The following TMEM222 variants were observed in gnomAD, a reference collection of about 807,000 sequenced individuals.
The protein encoded by TMEM222 is chromosome 1 open reading frame 160.
Under a neutral mutation model 25.1 loss-of-function variants are expected in TMEM222, and 18 were observed. The observed-to-expected ratio is 0.72, with a 90% confidence interval of 0.50 to 1.06. The LOEUF (loss-of-function observed/expected upper bound fraction) is 1.06, where lower values mean the gene tolerates loss of function less well. TMEM222 is among the 50% of genes least tolerant of loss of function. TMEM222 has a pLI of 0.00. For missense variants in TMEM222, 296 were observed against 293.7 expected (o/e 1.01, Z -0.06); for synonymous variants, 131 against 117.9 (o/e 1.11, Z -0.72).
intron 1 of TMEM222, among the ~76,000 whole-genome samples, chr1:27,323,084 C>T (rs2014246942): frequency 6.6e-6 from 1 of 152,188 alleles, no homozygotes; most frequent in South Asian, 2.1e-4. Context: ...AACGTAACCC[C>T]TCCTCACCGT....
chr1:27,326,721 T>G (rs2014358932), intron 1 of TMEM222, among the ~76,000 whole-genome samples: 1 of 152,172 alleles, frequency 6.6e-6, no homozygotes, highest in Non-Finnish European at 1.5e-5. Context: ...GGTGCTCTTT[T>G]GCTGAGTTAG....
intron 2 of TMEM222, among the ~76,000 whole-genome samples, chr1:27,331,492 G>T (rs1049024485): frequency 6.6e-6 from 1 of 152,168 alleles, no homozygotes; most frequent in Non-Finnish European, 1.5e-5. Flanking sequence ...TGTCAGCAGG[G>T]TCTCCCTGAT....
rs2014600407 is a variant in TMEM222 at position 27,336,070 on chromosome 1, T to TGCCTCCCAGC, written c.*605_*614dup. 6.4e-6 allele frequency: 1 copy of TGCCTCCCAGC among 156,172 alleles called. No individual in the cohort carries two copies. The highest frequency in any genetic ancestry group is 1.9e-4 in the South Asian group (1 of 5,162). 9.7% of individuals were successfully genotyped at this position (156,172 alleles called of 1,614,324 possible). A position where few individuals can be genotyped will look rare whatever the true frequency, so the allele number is the denominator to read the frequency against. ...TCTTCACTGTTCCACGGCCTCCCAGTGCCTCCCAGCATTGGACCCATCTCC... is the reference window on the plus strand; with the variant it reads ...TCTTCACTGTTCCACGGCCTCCCAGTGCCTCCCAGCGCCTCCCAGCATTGGACCCATCTCC... On this transcript the variant is annotated 3_prime_UTR_variant, in exon 6 of 6. Transcript: ENST00000374076.
In TMEM222 at chr1:27,335,571, T is replaced by C; in HGVS notation, c.*105T>C. The C allele has an allele frequency of 8.6e-7, 1 of 1,168,070 alleles. No homozygotes were observed. The highest frequency in any genetic ancestry group is 1.2e-6 in the Non-Finnish European group (1 of 801,576). 72.4% of individuals were successfully genotyped at this position (1,168,070 alleles called of 1,614,324 possible). ...TCACCCCAAAAGGCAGGGTTGGGCCTGCTGTTGTGGACCGGGGGTCGGGGC... is the reference window on the plus strand; with the variant it reads ...TCACCCCAAAAGGCAGGGTTGGGCCCGCTGTTGTGGACCGGGGGTCGGGGC... On this transcript the variant is annotated 3_prime_UTR_variant, in exon 6 of 6. Coordinates refer to ENST00000374076, the MANE Select transcript of TMEM222 (RefSeq NM_032125.3).
Position 27,335,441 on chromosome 1 carries a change from T to A in TMEM222, c.602T>A (p.Val201Asp). The A allele has an allele frequency of 6.2e-7, 1 of 1,614,220 alleles. No homozygotes were observed. The highest frequency in any genetic ancestry group is 8.5e-7 in the Non-Finnish European group (1 of 1,180,036). The part of the protein sequence containing the change: ...FILLLGIILT[V>D]SLVFNLR The stretch of plus-strand genomic sequence containing the variant: ...CTTCTCCTGGGCATCATCCTCACCG[T>A]CAGCCTGGTCTTTAACCTCCGGTGA... Residue 201 changes from valine (V) to aspartate (D), a missense_variant, in exon 6 of 6, where the codon GTC (valine) becomes GAC (aspartate). By Grantham distance (152) the Val-to-Asp change is radical. Coordinates refer to ENST00000374076, the MANE Select transcript of TMEM222 (RefSeq NM_032125.3).
intron 1 of TMEM222, chr1:27,325,220 T>C (rs544488339): frequency 4.8e-6 from 2 of 418,966 alleles, no homozygotes; most frequent in Admixed American, 3.5e-5. Context: ...ACCAGTTTAG[T>C]GCTCGCCTCA....
chr1:27,332,048 C>T (rs1438902993), intron 2 of TMEM222, 22 bp from the exon 3 acceptor site: 7 of 1,614,220 alleles, frequency 4.3e-6, no homozygotes, highest in Non-Finnish European at 5.1e-6. Context: ...CCTCACTGAC[C>T]TCTGCTTTTG....
intron 2 of TMEM222, 175 bp downstream of exon 2, chr1:27,330,979 C>T: frequency 1.3e-6 from 2 of 1,495,416 alleles, no homozygotes; most frequent in Non-Finnish European, 8.9e-7. Flanking sequence ...CTTCTCTTGC[C>T]TCCAGGACAG....
Position 27,335,692 on chromosome 1 carries a change from A to T in TMEM222, c.*226A>T. 1.7e-6 allele frequency: 1 copy of T among 574,398 alleles called. No homozygotes were observed. 35.6% of individuals were successfully genotyped at this position (574,398 alleles called of 1,614,324 possible). A position where few individuals can be genotyped will look rare whatever the true frequency, so the allele number is the denominator to read the frequency against. ...CTGTCCCCTCCTCCCCAGGCCTGTG[A>T]CTCCGGCCCTGGAAGCCCCTTTGTT... On this transcript the variant is annotated 3_prime_UTR_variant, in exon 6 of 6. Transcript: ENST00000374076.
chr1:27,329,391 C>T (rs1284738109), intron 1 of TMEM222, among the ~76,000 whole-genome samples: 1 of 152,078 alleles, frequency 6.6e-6, no homozygotes, highest in Non-Finnish European at 1.5e-5. Context: ...TCAGTTCTAC[C>T]ACAGATTCCA....
chr1:27,326,255 A>C (rs1341011536), intron 1 of TMEM222, among the ~76,000 whole-genome samples: 1 of 152,190 alleles, frequency 6.6e-6, no homozygotes, highest in African/African-American at 2.4e-5. Context: ...TCAGGGTTGG[A>C]AAGGCCAAGC....
intron 1 of TMEM222, among the ~76,000 whole-genome samples, chr1:27,329,961 G>C (rs543301499): frequency 1.4e-4 from 22 of 152,244 alleles, no homozygotes; most frequent in African/African-American, 4.1e-4. Flanking sequence ...AATTAGCCAG[G>C]CATGGTGGTG....
At chr1:27,325,433 C>G in intron 1 of TMEM222, 1 of 1,204,618 alleles carries the variant, frequency 8.3e-7, no homozygotes, top group Non-Finnish European at 1.2e-6. Context: ...ACAAGCGGTT[C>G]CAGTGTCCGG....
At chr1:27,329,856 C>T (rs2014437527) in intron 1 of TMEM222, among the ~76,000 whole-genome samples, 1 of 152,126 alleles carries the variant, frequency 6.6e-6, no homozygotes. Flanking sequence ...AATTCCAGCA[C>T]TTTGGGAGGC....
In TMEM222 at chr1:27,322,318, G is replaced by C; in HGVS notation, c.121G>C (p.Gly41Arg). 6.4e-7 allele frequency: 1 copy of C among 1,553,536 alleles called. No individual in the cohort carries two copies. The highest frequency in any genetic ancestry group is 8.7e-7 in the Non-Finnish European group (1 of 1,145,952). The change falls in exon 1 of 6, where the codon GGC becomes CGC. Residue 41 changes from glycine (G) to arginine (R), a missense_variant. Physicochemically the swap from Gly to Arg is moderately radical, Grantham distance 125. Transcript: ENST00000374076. ...ETDMKQYQGSGGVAMDVERSR... is the reference protein window; with the variant it reads ...ETDMKQYQGSRGVAMDVERSR... ...GGACATGAAGCAATATCAAGGCTCCGGCGGCGTCGCCATGGATGTGGAACG... is the reference window on the plus strand; with the variant it reads ...GGACATGAAGCAATATCAAGGCTCCCGCGGCGTCGCCATGGATGTGGAACG...
intron 5 of TMEM222, 129 bp from the exon 6 acceptor site, chr1:27,335,250 G>C (rs907385964): frequency 1.2e-6 from 1 of 853,526 alleles, no homozygotes; most frequent in Non-Finnish European, 1.9e-6. Flanking sequence ...CCAAGTTTGG[G>C]GTGAGGGGGT....
rs117959059 is a variant in TMEM222, at chr1:27,324,349, G to A, written c.194+1958G>A. 8.5e-5 allele frequency among the ~76,000 whole-genome samples: 13 copies of A among 152,260 alleles called. No individual in the cohort carries two copies. The East Asian group carries it at 9.6e-4, about 11-fold the overall frequency. On this transcript the variant is annotated intron_variant, in intron 1 of 5. Coordinates refer to ENST00000374076, the MANE Select transcript of TMEM222 (RefSeq NM_032125.3). ...CAAAAAAAAAGAAAATAACTGGGAG[G>A]GATACTCAGGAAATGTATTGGTTTT...
At chr1:27,325,407 G>A (rs1313441183) in intron 1 of TMEM222, 2 of 1,085,816 alleles carry the variant, frequency 1.8e-6, no homozygotes, top group East Asian at 4.8e-5. Flanking sequence ...GGATGGCCAG[G>A]TCATCACCAT....
chr1:27,335,123 G>A, intron 5 of TMEM222: 1 of 558,092 alleles, frequency 1.8e-6, no homozygotes, highest in African/African-American at 1.9e-5. Context: ...CATGTTTCCT[G>A]TTCCCAACCA....
Sources: gnomAD v4.1 joint callset for allele counts (sites outside exome capture counted in the v4.1 genomes callset) on GRCh38, gnomAD v4.1.1 for gene constraint, MANE v1.5 for transcripts, NCBI Gene and HGNC (gene_info 2026-07-23, HGNC 2026-07-21) for gene names.